MUSK: variants seen among roughly 807,000 people sequenced by gnomAD.
MUSK encodes muscle, skeletal receptor tyrosine-protein kinase.
Under a neutral mutation model 88.7 loss-of-function variants are expected in MUSK, and 55 were observed. The observed-to-expected ratio is 0.62, with a 90% CI of 0.50 to 0.78. MUSK has a LOEUF of 0.78. Ranked by LOEUF, MUSK falls within the 30% of genes least tolerant of loss-of-function variation. The pLI is 0.00. For synonymous variants in MUSK, 387 were observed against 391.9 expected (o/e 0.99, Z 0.15); for missense variants, 1,015 against 1,074.3 (o/e 0.94, Z 0.77).
At chr9:110,709,836 C>G (rs1052678718) in intron 5 of MUSK, among the ~76,000 whole-genome samples, 2 of 152,062 alleles carry the variant, frequency 1.3e-5, no homozygotes, top group Non-Finnish European at 2.9e-5. Context: ...TAGTTCAATT[C>G]CTTAGTTTGT....
chr9:110,798,389 T>C lies in MUSK; in HGVS notation c.1928-1917T>C, dbSNP rs1158168351. Among the ~76,000 whole-genome samples, 6 of 152,198 alleles carry C rather than the reference T, an allele frequency of 3.9e-5. No individual in the cohort carries two copies. In the East Asian group the frequency reaches 9.6e-4, roughly 24 times the overall value. On this transcript the variant is annotated intron_variant, in intron 14 of 14. Coordinates refer to ENST00000374448, the MANE Select transcript of MUSK (RefSeq NM_005592.4). ...GAAAAATGGTATAACTAAAGAAATA[T>C]GCAGAATTTTAGAATGGGAGTAGGC... is the stretch of plus-strand genomic sequence containing the variant.
At chr9:110,728,009 A>G (rs2076909968) in intron 5 of MUSK, among the ~76,000 whole-genome samples, 1 of 152,128 alleles carries the variant, frequency 6.6e-6, no homozygotes, top group Non-Finnish European at 1.5e-5. Flanking sequence ...TCTCTCTTCT[A>G]GGATTTTTAA....
chr9:110,672,094 C>T (rs1195920114), intron 1 of MUSK, among the ~76,000 whole-genome samples: 1 of 152,164 alleles, frequency 6.6e-6, no homozygotes, highest in East Asian at 1.9e-4. Flanking sequence ...TTTATATTGA[C>T]ATGCATTGAA....
intron 3 of MUSK, among the ~76,000 whole-genome samples, chr9:110,694,438 C>T (rs901892451): frequency 2.0e-5 from 3 of 148,878 alleles, no homozygotes; most frequent in South Asian, 2.2e-4. Flanking sequence ...GTCATGAAGG[C>T]TTTGCAAGTA....
chr9:110,789,133 A>AT (rs2077928198), intron 14 of MUSK, among the ~76,000 whole-genome samples: 1 of 152,182 alleles, frequency 6.6e-6, no homozygotes, highest in South Asian at 2.1e-4. Flanking sequence ...CACAACTCAC[A>AT]TTTTTTCAGA....
chr9:110,723,868 A>T (rs533328238), intron 5 of MUSK, among the ~76,000 whole-genome samples: 1 of 152,198 alleles, frequency 6.6e-6, no homozygotes, highest in East Asian at 1.9e-4. Flanking sequence ...GTCTTCAAAT[A>T]TAACCTCTCT....
intron 1 of MUSK, 106 bp from the exon 2 acceptor site, chr9:110,682,568 G>A: frequency 1.7e-6 from 2 of 1,150,664 alleles, no homozygotes; most frequent in South Asian, 1.8e-5. Flanking sequence ...TCTACTCTGG[G>A]GAAACAGAAT....
At chr9:110,716,110 C>T (rs971460122) in intron 5 of MUSK, among the ~76,000 whole-genome samples, 1 of 149,484 alleles carries the variant, frequency 6.7e-6, no homozygotes, top group African/African-American at 2.5e-5. Context: ...ACATCCTGCA[C>T]TTGTACCCCT....
At chr9:110,772,079 G>A (rs916354825) in intron 9 of MUSK, among the ~76,000 whole-genome samples, 1 of 149,706 alleles carries the variant, frequency 6.7e-6, no homozygotes, top group Admixed American at 6.7e-5. Context: ...GGAAAAATAT[G>A]GTCTATAAAT....
At chr9:110,785,419 A>G (rs2077838883) in intron 12 of MUSK, 108 bp from the exon 13 acceptor site, 1 of 994,062 alleles carries the variant, frequency 1.0e-6, no homozygotes, top group Non-Finnish European at 1.5e-6. Flanking sequence ...CCTTAGTATA[A>G]CTTGTTTTCA....
chr9:110,798,062 T>C (rs539385792), intron 14 of MUSK, among the ~76,000 whole-genome samples: 6 of 152,338 alleles, frequency 3.9e-5, no homozygotes, highest in African/African-American at 1.4e-4. Flanking sequence ...CTAAATTCCA[T>C]TTGGATATCC....
chr9:110,774,220 T>A (rs1411411903), intron 9 of MUSK, among the ~76,000 whole-genome samples: 2 of 152,232 alleles, frequency 1.3e-5, no homozygotes, highest in African/African-American at 4.8e-5. Context: ...AATATTTAAT[T>A]CAAATTTGTT....
chr9:110,713,265 T>TTC (rs1055802519), intron 5 of MUSK, among the ~76,000 whole-genome samples: 1 of 148,888 alleles, frequency 6.7e-6, no homozygotes, highest in African/African-American at 2.5e-5. Context: ...TTTTTTTCTT[T>TTC]TTTTTTTTTT....
chr9:110,701,495 G>C (rs191345431), intron 5 of MUSK, among the ~76,000 whole-genome samples: 1 of 151,348 alleles, frequency 6.6e-6, no homozygotes, highest in African/African-American at 2.4e-5. Flanking sequence ...TTGTTTGTTT[G>C]TTTTGTTTTG....
Position 110,784,985 on chromosome 9 carries a change from C to G in MUSK, c.1555C>G (p.Arg519Gly). Residue 519 changes from arginine to glycine, a missense_variant, in exon 12 of 15, where the codon CGA becomes GGA. Transcript: ENST00000374448. ...TACCATAACTACTCTCTATTGCTGC[C>G]GAAGAAGAAAACAATGGAAAAATAA... ...LLTITTLYCC[R>G]RRKQWKNKKR... The G allele has an allele frequency of 6.2e-7, 1 of 1,613,364 alleles. No individual in the cohort carries two copies. The highest frequency in any genetic ancestry group is 1.3e-5 in the African/African-American group (1 of 74,906).
At chr9:110,738,922 T>C (rs1298440282) in intron 6 of MUSK, among the ~76,000 whole-genome samples, 1 of 152,174 alleles carries the variant, frequency 6.6e-6, no homozygotes, top group Admixed American at 6.5e-5. Flanking sequence ...TGTTAGTTGA[T>C]GGAAAGTCTC....
chr9:110,750,231 G>A (rs2077230543), intron 7 of MUSK, among the ~76,000 whole-genome samples: 1 of 152,064 alleles, frequency 6.6e-6, no homozygotes, highest in Admixed American at 6.6e-5. Context: ...TCATTATTCA[G>A]TCACTCAAAG....
Position 110,805,405 on chromosome 9 carries a change from C to T in MUSK, c.*4417C>T, listed in dbSNP as rs2078148744. On this transcript the variant is annotated 3_prime_UTR_variant, in exon 15 of 15. Transcript: ENST00000374448. ...CTAATAGCTTAAAGTTATTTCATAGCTTATATTTACACTTCTTTAAATACT... is the reference window on the plus strand; with the variant it reads ...CTAATAGCTTAAAGTTATTTCATAGTTTATATTTACACTTCTTTAAATACT... Among the ~76,000 whole-genome samples, 1 of 151,798 alleles carries T rather than the reference C, an allele frequency of 6.6e-6. No individual in the cohort carries two copies. The highest frequency in any genetic ancestry group is 2.1e-4 in the South Asian group (1 of 4,824).
intron 1 of MUSK, among the ~76,000 whole-genome samples, chr9:110,680,311 T>C (rs1292625153): frequency 1.3e-5 from 2 of 152,136 alleles, no homozygotes; most frequent in Non-Finnish European, 1.5e-5. Flanking sequence ...TGGTAGAGTT[T>C]AAGATTTTAT....
Sources: gnomAD v4.1 joint callset for allele counts (sites outside exome capture counted in the v4.1 genomes callset) on GRCh38, gnomAD v4.1.1 for gene constraint, MANE v1.5 for transcripts, NCBI Gene and HGNC (gene_info 2026-07-23, HGNC 2026-07-21) for gene names.